FRMPD4: variants seen among roughly 807,000 people sequenced by gnomAD.
FRMPD4 encodes FERM and PDZ domain-containing protein 4.
A neutral mutation model predicts 94.1 loss-of-function variants in FRMPD4; 22 were observed. The ratio of observed to expected loss-of-function variants is 0.23; its 90% CI spans 0.17 to 0.33. The LOEUF (loss-of-function observed/expected upper bound fraction) is 0.33, where lower values mean the gene tolerates loss of function less well. Ranked by LOEUF, FRMPD4 falls within the 10% of genes least tolerant of loss-of-function variation. The pLI is 1.00. For missense variants in FRMPD4, 1,111 were observed against 1,339.9 expected, an observed-to-expected ratio of 0.83 and a Z score of 2.67; for synonymous variants, 631 against 548.6, an observed-to-expected ratio of 1.15 and a Z score of -2.10.
intron 3 of FRMPD4, among the ~76,000 whole-genome samples, chrX:12,007,900 T>C (rs1480211959): frequency 8.9e-6 from 1 of 111,948 alleles, no homozygotes; most frequent in African/African-American, 3.2e-5. Context: ...AGAGTAAGGA[T>C]TGGCCTGTCA....
chrX:12,634,238 CTGT>C (rs2059422605), intron 4 of FRMPD4, among the ~76,000 whole-genome samples: 1 of 112,272 alleles, frequency 8.9e-6, no homozygotes, highest in African/African-American at 3.2e-5. Flanking sequence ...TAGCTCCTTG[CTGT>C]TGTTCTATTT....
chrX:12,271,542 C>T (rs1177823451), intron 1 of FRMPD4, among the ~76,000 whole-genome samples: 5 of 111,966 alleles, frequency 4.5e-5, no homozygotes, highest in Non-Finnish European at 9.4e-5. Flanking sequence ...CTGTACCATT[C>T]GAGAGGTTTT....
intron 1 of FRMPD4, among the ~76,000 whole-genome samples, chrX:12,387,106 C>A (rs1283018480): frequency 8.9e-6 from 1 of 111,934 alleles, no homozygotes; most frequent in African/African-American, 3.2e-5. Flanking sequence ...CTTTTAACTA[C>A]CGAGTTAAGA....
In FRMPD4 at chrX:12,481,766, C is replaced by G. The variant is rs961438817; in HGVS notation, c.42-16914C>G. 6.7e-5 allele frequency among the ~76,000 whole-genome samples: 7 copies of G among 104,821 alleles called. No homozygotes were observed. In the South Asian group the frequency reaches 2.3e-3, roughly 34 times the overall value. The allele number at this position is 104,821 out of a possible 115,157, so 91.0% of individuals were successfully genotyped here. A position where few individuals can be genotyped will look rare whatever the true frequency, so the allele number is the denominator to read the frequency against. On this transcript the variant is annotated intron_variant, in intron 1 of 16. Transcript: ENST00000675598. The stretch of plus-strand genomic sequence containing the variant: ...ACCATCCTGGCTAACATGGTGAAAC[C>G]CCGTCTCTACTAAAAATACAAAAAA...
Position 12,609,111 on chromosome X carries a change from G to C in FRMPD4, c.159-610G>C, listed in dbSNP as rs989984413. 9.8e-5 allele frequency among the ~76,000 whole-genome samples: 11 copies of C among 112,225 alleles called. No individual in the cohort carries two copies. In the South Asian group the frequency reaches 1.1e-3, roughly 11 times the overall value. ...ACAAAATGTTATTAAGAAAGTCATA[G>C]GGAAGAGAAAATATATTTATTAATC... On this transcript the variant is annotated intron_variant, in intron 2 of 16. Transcript: ENST00000675598.
chrX:12,246,306 C>G (rs1411764336), intron 1 of FRMPD4, among the ~76,000 whole-genome samples: 1 of 112,202 alleles, frequency 8.9e-6, no homozygotes, highest in East Asian at 2.8e-4. Flanking sequence ...TCATTCACTT[C>G]ACTGAAATGA....
intron 1 of FRMPD4, among the ~76,000 whole-genome samples, chrX:12,208,863 G>A (rs1349580278): frequency 1.8e-5 from 2 of 111,696 alleles, no homozygotes; most frequent in Non-Finnish European, 3.8e-5. Flanking sequence ...TAATTCAATT[G>A]GAGATATCTT....
At chrX:12,562,453 A>G (rs2058668737) in intron 2 of FRMPD4, among the ~76,000 whole-genome samples, 1 of 112,472 alleles carries the variant, frequency 8.9e-6, no homozygotes, top group Admixed American at 9.4e-5. Flanking sequence ...TTATGAAAAT[A>G]TTGGCAGTCT....
At chrX:12,075,658 A>G (rs2055007237) in intron 3 of FRMPD4, among the ~76,000 whole-genome samples, 1 of 111,808 alleles carries the variant, frequency 8.9e-6, no homozygotes, top group South Asian at 3.7e-4. Context: ...TGGGAAAGTT[A>G]GCTTTCTTGG....
chrX:12,554,367 T>C (rs769832793), intron 2 of FRMPD4, among the ~76,000 whole-genome samples: 9 of 111,830 alleles, frequency 8.0e-5, no homozygotes, highest in Admixed American at 4.7e-4. Flanking sequence ...TGGTGGTTCA[T>C]ATGCAGAGAG....
chrX:12,041,578 A>T (rs2054756110), intron 3 of FRMPD4, among the ~76,000 whole-genome samples: 1 of 105,568 alleles, frequency 9.5e-6, no homozygotes, highest in African/African-American at 3.5e-5. Context: ...TGCTTTCAAG[A>T]TTTTCTCTTT....
intron 1 of FRMPD4, among the ~76,000 whole-genome samples, chrX:12,191,253 G>A (rs886819585): frequency 1.2e-4 from 13 of 112,140 alleles, no homozygotes; most frequent in African/African-American, 4.2e-4. Flanking sequence ...ACCAAGTATT[G>A]ATGAGGATGT....
intron 3 of FRMPD4, among the ~76,000 whole-genome samples, chrX:12,009,353 A>G (rs755662438): frequency 8.9e-6 from 1 of 112,523 alleles, no homozygotes; most frequent in Middle Eastern, 4.6e-3. Context: ...TAAAATTCCT[A>G]CTTATATGTC....
intron 3 of FRMPD4, among the ~76,000 whole-genome samples, chrX:11,975,616 C>T (rs1204700513): frequency 2.7e-5 from 3 of 111,052 alleles, no homozygotes; most frequent in Admixed American, 1.9e-4. Flanking sequence ...TTTTGTATTA[C>T]TGCATGAAAA....
intron 2 of FRMPD4, among the ~76,000 whole-genome samples, chrX:12,591,860 C>T (rs771842988): frequency 1.8e-5 from 2 of 111,490 alleles, no homozygotes; most frequent in Admixed American, 9.5e-5. Flanking sequence ...AGTATGGTGC[C>T]TTGGCATGCT....
At chrX:12,324,234 C>A (rs1344782382) in intron 1 of FRMPD4, among the ~76,000 whole-genome samples, 1 of 112,150 alleles carries the variant, frequency 8.9e-6, no homozygotes, top group Non-Finnish European at 1.9e-5. Flanking sequence ...AGTTATGTAA[C>A]CTTTTTCCAA....
intron 1 of FRMPD4, among the ~76,000 whole-genome samples, chrX:12,381,886 G>A (rs925128251): frequency 4.5e-5 from 5 of 111,611 alleles, no homozygotes; most frequent in African/African-American, 1.6e-4. Context: ...TGAACAGGTG[G>A]GGAAGCATGC....
intron 1 of FRMPD4, among the ~76,000 whole-genome samples, chrX:12,143,412 A>G (rs760362977): frequency 7.1e-5 from 8 of 112,835 alleles, no homozygotes; most frequent in African/African-American, 2.3e-4. Flanking sequence ...ACACATGTCC[A>G]TTCATTTATG....
intron 5 of FRMPD4, among the ~76,000 whole-genome samples, chrX:12,677,377 A>G (rs950152088): frequency 2.7e-5 from 3 of 111,008 alleles, no homozygotes; most frequent in African/African-American, 9.9e-5. Context: ...TCTTAAATGG[A>G]TATCAGACAT....
Sources: gnomAD v4.1 joint callset for allele counts (sites outside exome capture counted in the v4.1 genomes callset) on GRCh38, gnomAD v4.1.1 for gene constraint, MANE v1.5 for transcripts, NCBI Gene and HGNC (gene_info 2026-07-23, HGNC 2026-07-21) for gene names.